Variants in DBP observed in about 807,000 individuals in gnomAD.
The protein encoded by DBP is D site-binding protein.
Under a neutral mutation model 21.4 loss-of-function variants are expected in DBP, and 12 were observed. The ratio of observed to expected loss-of-function variants is 0.56; its 90% CI spans 0.36 to 0.91. DBP has a LOEUF of 0.91. DBP is among the 40% of genes least tolerant of loss of function. The probability of loss-of-function intolerance (pLI) is 0.01; values close to 1 mark genes in which losing one functional copy is unlikely to be tolerated. For synonymous variants in DBP, 213 were observed against 224.9 expected, an observed-to-expected ratio of 0.95 and a Z score of 0.47; for missense variants, 423 against 473.4, an observed-to-expected ratio of 0.89 and a Z score of 0.99.
chr19:48,634,129 T>C (rs929320745), intron 2 of DBP: 1 of 175,110 alleles, frequency 5.7e-6, no homozygotes, highest in Admixed American at 5.5e-5. Context: ...AAAATGAAGG[T>C]TCCCCTAAGC....
Position 48,630,902 on chromosome 19 carries a change from G to T in DBP, c.913C>A (p.Arg305Ser). The change falls in exon 4 of 4, where the codon CGC becomes AGC. Residue 305 changes from arginine to serine, a missense_variant. Physicochemically the swap from Arg to Ser is moderately radical, Grantham distance 110. This residue lies in a region of DBP where 33 missense variants were observed against 31.7 expected (regional missense o/e 1.04). Coordinates refer to ENST00000222122, the MANE Select transcript of DBP (RefSeq NM_001352.5). The surrounding 1 kb of genome is among the most constrained non-coding windows in gnomAD (Gnocchi z 4.9). The stretch of plus-strand genomic sequence containing the variant: ...GCGCGGTAGTGGGACAGCTCCTGGC[G>T]CACGGCCACAACTTCCTGCCGCAGC... ...ALLRQEVVAV[R>S]QELSHYRAVL... 1 of 1,609,020 alleles carries T rather than the reference G, an allele frequency of 6.2e-7. No individual in the cohort carries two copies. Among genetic ancestry groups the T allele is most frequent in the Non-Finnish European group, 8.5e-7 (1 of 1,178,232 alleles).
In DBP at chr19:48,630,255, C is replaced by T. The variant is rs538877340; in HGVS notation, c.*582G>A. Reference sequence around the variant, plus strand: ...CCAGGAGGGGCAGGTTCCCCGGGGCCGGCGCTAGGATTTGCACTAATGTTC... The same window carrying T: ...CCAGGAGGGGCAGGTTCCCCGGGGCTGGCGCTAGGATTTGCACTAATGTTC... On this transcript the variant is annotated 3_prime_UTR_variant, in exon 4 of 4. Coordinates refer to ENST00000222122, the MANE Select transcript of DBP (RefSeq NM_001352.5). The surrounding 1 kb of genome is among the most constrained non-coding windows in gnomAD (Gnocchi z 4.9). 1 of 1,275,476 alleles carries T rather than the reference C, an allele frequency of 7.8e-7. No homozygotes were observed. Among genetic ancestry groups the T allele is most frequent in the Non-Finnish European group, 9.9e-7 (1 of 1,011,348 alleles). The allele number at this position is 1,275,476 out of a possible 1,614,324, so 79.0% of individuals were successfully genotyped here.
At chr19:48,636,080 G>A in intron 1 of DBP, 90 bp from the exon 2 acceptor site, 1 of 1,272,660 alleles carries the variant, frequency 7.9e-7, no homozygotes, top group Non-Finnish European at 1.0e-6. Flanking sequence ...GCACAGGGCG[G>A]AGATCCAGAG....
intron 2 of DBP, chr19:48,634,775 A>C: frequency 1.0e-6 from 1 of 985,582 alleles, no homozygotes; most frequent in Non-Finnish European, 1.2e-6. Context: ...AGGTGTGCCC[A>C]GGAATCCCCG....
chr19:48,630,342 G>T lies in DBP; in HGVS notation c.*495C>A. 7.6e-7 allele frequency: 1 copy of T among 1,308,760 alleles called. No individual in the cohort carries two copies. Among genetic ancestry groups the T allele is most frequent in the South Asian group, 2.3e-5 (1 of 43,288 alleles). 81.1% of individuals were successfully genotyped at this position (1,308,760 alleles called of 1,614,324 possible). ...CCTGTTCGTCTCATGCGCGTCCTCCGTCCCCAATCTAAAAAGCAATTGAAA... is the reference window on the plus strand; with the variant it reads ...CCTGTTCGTCTCATGCGCGTCCTCCTTCCCCAATCTAAAAAGCAATTGAAA... On this transcript the variant is annotated 3_prime_UTR_variant, in exon 4 of 4. Coordinates refer to ENST00000222122, the MANE Select transcript of DBP (RefSeq NM_001352.5). The surrounding 1 kb of genome is among the most constrained non-coding windows in gnomAD (Gnocchi z 4.9).
Position 48,637,085 on chromosome 19 carries a change from T to C in DBP, c.-91A>G, listed in dbSNP as rs1234132391. ...AGCACACTCCAGTGGTTTGGACGAG[T>C]GTCTGCCCAGGGGCGGGCGAGTGTA... On this transcript the variant is annotated 5_prime_UTR_variant, in exon 1 of 4. Coordinates refer to ENST00000222122, the MANE Select transcript of DBP (RefSeq NM_001352.5). 1.6e-6 allele frequency: 2 copies of C among 1,254,898 alleles called. No homozygotes were observed. Among genetic ancestry groups the C allele is most frequent in the Non-Finnish European group, 2.1e-6 (2 of 944,532 alleles). The allele number at this position is 1,254,898 out of a possible 1,614,324, so 77.7% of individuals were successfully genotyped here.
Position 48,630,782 on chromosome 19 carries a change from CGT to C in DBP, c.*53_*54del. ...GCCACAGGGCAGGAAGGGAACAGGG[CGT>C]AAGTCTCAGCAAGGCGGAGGAGAGC... is the stretch of plus-strand genomic sequence containing the variant. On this transcript the variant is annotated 3_prime_UTR_variant, in exon 4 of 4. Transcript: ENST00000222122. This position sits in a 1 kb window ranked among gnomAD's most constrained non-coding sequence, Gnocchi z 4.9. 6.6e-7 allele frequency: 1 copy of C among 1,523,540 alleles called. No individual in the cohort carries two copies. The highest frequency in any genetic ancestry group is 1.2e-5 in the South Asian group (1 of 82,558). The allele number at this position is 1,523,540 out of a possible 1,614,324, so 94.4% of individuals were successfully genotyped here.
intron 1 of DBP, among the ~76,000 whole-genome samples, chr19:48,636,455 C>A (rs2030802522): frequency 1.3e-5 from 2 of 152,030 alleles, no homozygotes; most frequent in African/African-American, 4.8e-5. Flanking sequence ...TCCTGGGGCA[C>A]ATCCCTCATC....
chr19:48,633,871 C>T (rs2030686741), intron 2 of DBP: 4 of 569,350 alleles, frequency 7.0e-6, no homozygotes, highest in South Asian at 6.4e-5. Flanking sequence ...GAAGCCGAGG[C>T]GGCGAATCAC....
Position 48,630,425 on chromosome 19 carries a change from A to G in DBP, c.*412T>C, listed in dbSNP as rs1340586475. On this transcript the variant is annotated 3_prime_UTR_variant, in exon 4 of 4. Transcript: ENST00000222122. The surrounding 1 kb of genome is among the most constrained non-coding windows in gnomAD (Gnocchi z 4.9). The stretch of plus-strand genomic sequence containing the variant: ...CTCTCAGACCTTCTGCCCTTCCTCC[A>G]TCCGACAGCCCGCGGGAGGACTCAG... The G allele has an allele frequency of 1.4e-6, 2 of 1,421,834 alleles. No individual in the cohort carries two copies. Among genetic ancestry groups the G allele is most frequent in the Non-Finnish European group, 1.8e-6 (2 of 1,091,230 alleles). The allele number at this position is 1,421,834 out of a possible 1,614,324, so 88.1% of individuals were successfully genotyped here.
chr19:48,634,748 G>A, intron 2 of DBP: 1 of 985,566 alleles, frequency 1.0e-6, no homozygotes, highest in Non-Finnish European at 1.2e-6. Context: ...GTTCGGCCCG[G>A]AGGTCGGACC....
chr19:48,635,592 C>A lies in DBP; in HGVS notation c.538G>T (p.Gly180Cys), dbSNP rs898529606. The change falls in exon 2 of 4, where the codon GGC (glycine) becomes TGC (cysteine). Residue 180 changes from glycine to cysteine, a missense_variant. By Grantham distance (159) the Gly-to-Cys change is radical. Around this residue, in one of 4 missense-constraint regions of DBP, gnomAD observed 283 missense variants for 273.7 expected, o/e 1.03. Coordinates refer to ENST00000222122, the MANE Select transcript of DBP (RefSeq NM_001352.5). ...CCCTTCGCCGCACCTGCGCGGTGGCCGCTGGCGGTCCCGAGGGCAGCCCGG... is the reference window on the plus strand; with the variant it reads ...CCCTTCGCCGCACCTGCGCGGTGGCAGCTGGCGGTCCCGAGGGCAGCCCGG... Reference protein sequence around the residue: ...PARAALGTASGHRAGLTSRDT... With the variant: ...PARAALGTASCHRAGLTSRDT... 4 of 1,362,998 alleles carry A rather than the reference C, an allele frequency of 2.9e-6. No individual in the cohort carries two copies. The African/African-American group carries it at 4.6e-5, about 16-fold the overall frequency. The allele number at this position is 1,362,998 out of a possible 1,614,324, so 84.4% of individuals were successfully genotyped here.
intron 1 of DBP, 112 bp downstream of exon 1, chr19:48,636,744 T>G (rs1305034968): frequency 6.9e-6 from 9 of 1,307,762 alleles, no homozygotes; most frequent in Non-Finnish European, 9.5e-6. Context: ...TAGATTAAGG[T>G]TGGGAAGATG....
chr19:48,633,029 TG>T, intron 3 of DBP: 1 of 333,002 alleles, frequency 3.0e-6, no homozygotes, highest in South Asian at 3.6e-5. Context: ...GGTCTCCCTC[TG>T]TTGCCCAGGC....
chr19:48,635,483 G>A, intron 2 of DBP, 97 bp downstream of exon 2: 3 of 1,478,990 alleles, frequency 2.0e-6, no homozygotes, highest in South Asian at 2.4e-5. Context: ...CGAGGCCGCA[G>A]CCAGGTCCCA....
intron 3 of DBP, chr19:48,632,158 T>TG (rs2030619025): frequency 6.7e-6 from 1 of 149,356 alleles, no homozygotes; most frequent in Non-Finnish European, 1.5e-5. Flanking sequence ...TTTTTTGAGA[T>TG]GGAGTTCTCA....
intron 3 of DBP, chr19:48,631,689 G>C (rs1025024193): frequency 6.6e-6 from 1 of 152,514 alleles, no homozygotes; most frequent in Non-Finnish European, 1.5e-5. Context: ...TAGGAAAGGG[G>C]ACTATCCTGA....
At chr19:48,633,839 G>T in intron 2 of DBP, 184 bp from the exon 3 acceptor site, 1 of 605,494 alleles carries the variant, frequency 1.7e-6, no homozygotes, top group Non-Finnish European at 2.9e-6. Flanking sequence ...AGTGGCTCAC[G>T]CCTGTAACCC....
At chr19:48,633,680 T>G (rs1233748254) in intron 2 of DBP, 25 bp from the exon 3 acceptor site, 2 of 1,600,274 alleles carry the variant, frequency 1.2e-6, no homozygotes, top group Non-Finnish European at 1.7e-6. Flanking sequence ...ACGTGTCAGC[T>G]GAGTGTGTAT....
Sources: gnomAD v4.1 joint callset for allele counts (sites outside exome capture counted in the v4.1 genomes callset) on GRCh38, gnomAD v4.1.1 for gene constraint, gnomAD v4.1.1 regional missense constraint, Gnocchi (gnomAD v3.1) non-coding constraint, MANE v1.5 for transcripts, NCBI Gene and HGNC (gene_info 2026-07-23, HGNC 2026-07-21) for gene names.